The following STRN variants were observed in gnomAD, a reference collection of about 807,000 sequenced individuals.
The protein encoded by STRN is striatin.
Under a neutral mutation model 96.3 loss-of-function variants are expected in STRN, and 53 were observed. That is an observed-to-expected ratio of 0.55 (90% CI 0.44 to 0.69). The LOEUF is 0.69. Among genes scored for constraint, STRN ranks in the 30% least tolerant of loss-of-function variants. The probability of loss-of-function intolerance (pLI) is 0.00; values close to 1 mark genes in which losing one functional copy is unlikely to be tolerated. For synonymous variants in STRN, 428 were observed against 355.9 expected (o/e 1.20, Z -2.28); for missense variants, 987 against 963.9 (o/e 1.02, Z -0.32).
At chr2:36,860,753 T>C (rs1668458561) in intron 13 of STRN, among the ~76,000 whole-genome samples, 2 of 152,194 alleles carry the variant, frequency 1.3e-5, no homozygotes, top group South Asian at 2.1e-4. Flanking sequence ...ACCAAGGGGA[T>C]GGCACCAACA....
At chr2:36,907,364 G>A (rs891639504) in intron 3 of STRN, among the ~76,000 whole-genome samples, 27 of 152,042 alleles carry the variant, frequency 1.8e-4, no homozygotes, top group East Asian at 1.9e-4. Flanking sequence ...CCTGGCTAAC[G>A]CGGTGAAATC....
chr2:36,919,845 G>C (rs1670203957), intron 2 of STRN, among the ~76,000 whole-genome samples: 1 of 152,158 alleles, frequency 6.6e-6, no homozygotes. Flanking sequence ...CCTCAACATA[G>C]ATGTTCCTAA....
rs1341374945 is a variant in STRN, at chr2:36,844,876, G to A, written c.*4580C>T. ...TTTAAACACAGATACGTTTTTCTGG[G>A]CCTTTCTCTAAAATGAACTTTAGGG... On this transcript the variant is annotated 3_prime_UTR_variant, in exon 18 of 18. Transcript: ENST00000263918. The A allele has an allele frequency of 6.6e-6, 1 of 151,958 alleles. No individual in the cohort carries two copies. Among genetic ancestry groups the A allele is most frequent in the Non-Finnish European group, 1.5e-5 (1 of 67,976 alleles). The allele number at this position is 151,958 out of a possible 1,614,324, so 9.4% of individuals were successfully genotyped here.
chr2:36,867,702 A>G, intron 12 of STRN, 112 bp downstream of exon 12: 1 of 658,064 alleles, frequency 1.5e-6, no homozygotes, highest in Non-Finnish European at 2.4e-6. Flanking sequence ...TTTACATTAA[A>G]AAAACACTCC....
chr2:36,857,865 C>T lies in STRN; in HGVS notation c.1828G>A (p.Asp610Asn). The change falls in exon 14 of 18, where the codon GAT becomes AAT. Residue 610 changes from aspartate to asparagine, a missense_variant. Coordinates refer to ENST00000263918, the MANE Select transcript of STRN (RefSeq NM_003162.4). ...TTTTTAAAGTATGTACCTTTAGTAT[C>T]ATTAAATACACTTAGTGCTGGAGCA... ...EVAPALSVFNDTKELGIPASV... is the reference protein window; with the variant it reads ...EVAPALSVFNNTKELGIPASV... The T allele has an allele frequency of 1.2e-6, 2 of 1,613,422 alleles. No homozygotes were observed. Among genetic ancestry groups the T allele is most frequent in the South Asian group, 2.2e-5 (2 of 90,990 alleles).
chr2:36,941,972 C>G (rs552051600), intron 1 of STRN, among the ~76,000 whole-genome samples: 1 of 152,268 alleles, frequency 6.6e-6, no homozygotes, highest in East Asian at 1.9e-4. Context: ...TACATATTCC[C>G]AAGCCCCTTC....
intron 1 of STRN, among the ~76,000 whole-genome samples, chr2:36,928,655 A>G (rs1670484657): frequency 7.0e-6 from 1 of 143,696 alleles, no homozygotes; most frequent in African/African-American, 2.6e-5. Flanking sequence ...CCATCTTAAA[A>G]AAAAAAAGGC....
At chr2:36,909,388 C>A (rs1349661672) in intron 3 of STRN, among the ~76,000 whole-genome samples, 3 of 151,932 alleles carry the variant, frequency 2.0e-5, no homozygotes, top group Admixed American at 1.3e-4. Flanking sequence ...TATTTGACTG[C>A]TATTTCCTGT....
rs3081783 is a variant in STRN, at chr2:36,881,118, CTTTTTTTTTTTTTTT to C, written c.1186+2799_1186+2813del. Among the ~76,000 whole-genome samples the C allele has an allele frequency of 5.1e-5, 4 of 78,980 alleles. No homozygotes were observed. In the East Asian group the frequency reaches 1.3e-3, roughly 25 times the overall value. The allele number at this position is 78,980 out of a possible 152,430, so 51.8% of individuals were successfully genotyped here. A position where few individuals can be genotyped will look rare whatever the true frequency, so the allele number is the denominator to read the frequency against. ...TGCCTTTTAAATGTGACACTGCCTT[CTTTTTTTTTTTTTTT>C]TTTTTTTTTTTTAAGACAGAATCTC... On this transcript the variant is annotated intron_variant, in intron 9 of 17. Coordinates refer to ENST00000263918, the MANE Select transcript of STRN (RefSeq NM_003162.4).
At chr2:36,903,092 A>T (rs1461239798) in intron 4 of STRN, among the ~76,000 whole-genome samples, 1 of 152,220 alleles carries the variant, frequency 6.6e-6, no homozygotes. Flanking sequence ...TATAATAGTT[A>T]TTCCGGTAGT....
chr2:36,932,212 T>C (rs538983895), intron 1 of STRN, among the ~76,000 whole-genome samples: 1 of 152,286 alleles, frequency 6.6e-6, no homozygotes, highest in African/African-American at 2.4e-5. Flanking sequence ...TGGAGTACAG[T>C]GGCGTGATCT....
chr2:36,941,044 T>C (rs1201512413), intron 1 of STRN, among the ~76,000 whole-genome samples: 1 of 152,038 alleles, frequency 6.6e-6, no homozygotes, highest in African/African-American at 2.4e-5. Flanking sequence ...GCCCAGCTAC[T>C]TAGGGAGGCT....
intron 1 of STRN, among the ~76,000 whole-genome samples, chr2:36,941,612 T>C (rs934926661): frequency 6.6e-6 from 1 of 151,938 alleles, no homozygotes; most frequent in African/African-American, 2.4e-5. Context: ...TGCAATGGCA[T>C]GATCTCGGCT....
intron 1 of STRN, among the ~76,000 whole-genome samples, chr2:36,957,469 T>G (rs1572701385): frequency 6.6e-6 from 1 of 151,874 alleles, no homozygotes; most frequent in Non-Finnish European, 1.5e-5. Flanking sequence ...ACACCTATAG[T>G]CCCAGCCACT....
intron 9 of STRN, 95 bp downstream of exon 9, chr2:36,883,837 A>T (rs929066481): frequency 4.2e-6 from 5 of 1,182,722 alleles, no homozygotes; most frequent in Non-Finnish European, 5.5e-6. Context: ...TCTGCAGAAT[A>T]AAGTTCTCTC....
At chr2:36,905,682 T>A in intron 3 of STRN, 64 bp from the exon 4 acceptor site, 1 of 1,327,794 alleles carries the variant, frequency 7.5e-7, no homozygotes. Flanking sequence ...TCTTAATTCA[T>A]TAATAACGTC....
chr2:36,851,975 A>G (rs961046066), intron 15 of STRN, among the ~76,000 whole-genome samples: 3 of 152,218 alleles, frequency 2.0e-5, no homozygotes, highest in South Asian at 2.1e-4. Flanking sequence ...AGAAACTTCA[A>G]TTATACACAC....
At chr2:36,868,545 T>C (rs1668685700) in intron 11 of STRN, among the ~76,000 whole-genome samples, 1 of 152,234 alleles carries the variant, frequency 6.6e-6, no homozygotes, top group Non-Finnish European at 1.5e-5. Flanking sequence ...TTCTACACTG[T>C]ATCGCAGTTA....
intron 10 of STRN, among the ~76,000 whole-genome samples, chr2:36,874,258 T>C (rs887622996): frequency 4.7e-5 from 7 of 147,446 alleles, no homozygotes; most frequent in South Asian, 4.3e-4. Flanking sequence ...AGCAAAACTC[T>C]GTCTCAAAAA....
Sources: allele counts gnomAD v4.1 joint callset (sites outside exome capture counted in the v4.1 genomes callset), GRCh38; gene constraint gnomAD v4.1.1; transcripts MANE v1.5; gene names NCBI Gene and HGNC (gene_info 2026-07-23, HGNC 2026-07-21).